Variants in NFATC2 observed in about 807,000 individuals in gnomAD.
The protein encoded by NFATC2 is nuclear factor of activated T cells 2, also known as nuclear factor of activated T-cells, cytoplasmic 2.
In NFATC2, 22 loss-of-function variants were observed where a neutral mutation model predicts 87.3. That is an observed-to-expected ratio of 0.25 (90% CI 0.18 to 0.36). NFATC2 has a LOEUF of 0.36. NFATC2 is among the 10% of genes least tolerant of loss of function. The probability of loss-of-function intolerance (pLI) is 1.00; values close to 1 mark genes in which losing one functional copy is unlikely to be tolerated. For synonymous variants in NFATC2, 565 were observed against 542.2 expected (o/e 1.04, Z -0.58); for missense variants, 1,149 against 1,259.1 (o/e 0.91, Z 1.32).
In NFATC2 at chr20:51,432,516, A is replaced by G. The variant is rs1982899645; in HGVS notation, c.2273T>C (p.Leu758Pro). 6 of 1,556,792 alleles carry G rather than the reference A, an allele frequency of 3.9e-6. No homozygotes were observed. The East Asian group carries it at 1.1e-4, about 29-fold the overall frequency. The part of the protein sequence containing the change: ...AAVLYQRSKS[L>P]SPSLLGYQQP... ...CTGATAGCCCAGCAGGCTGGGGCTCAGGCTCTTGCTCCGCTGGTAGAGTAC... is the reference window on the plus strand; with the variant it reads ...CTGATAGCCCAGCAGGCTGGGGCTCGGGCTCTTGCTCCGCTGGTAGAGTAC... Residue 758 changes from leucine to proline, a missense_variant, in exon 9 of 11, where the codon CTG (leucine) becomes CCG (proline). Around this residue, in one of 3 missense-constraint regions of NFATC2, gnomAD observed 581 missense variants for 649.7 expected, o/e 0.89. Coordinates refer to ENST00000371564, the MANE Select transcript of NFATC2 (RefSeq NM_012340.5). The surrounding 1 kb of genome is among the most constrained non-coding windows in gnomAD (Gnocchi z 4.6).
intron 3 of NFATC2, among the ~76,000 whole-genome samples, chr20:51,506,263 T>C (rs1042830313): frequency 2.0e-5 from 3 of 152,224 alleles, no homozygotes; most frequent in Non-Finnish European, 4.4e-5. Flanking sequence ...CTCTGAGCCT[T>C]GGTTTCCTCA....
At chr20:51,521,785 T>C (rs2076449754) in intron 2 of NFATC2, among the ~76,000 whole-genome samples, 1 of 152,260 alleles carries the variant, frequency 6.6e-6, no homozygotes, top group African/African-American at 2.4e-5. Flanking sequence ...GTACCTCCTT[T>C]GTCATTTCAT....
intron 3 of NFATC2, among the ~76,000 whole-genome samples, chr20:51,505,087 C>T (rs573425691): frequency 8.0e-6 from 1 of 125,242 alleles, no homozygotes; most frequent in Non-Finnish European, 1.7e-5. Flanking sequence ...GGTCTCAGCT[C>T]ACTGCAAGCT....
intron 3 of NFATC2, among the ~76,000 whole-genome samples, chr20:51,488,371 G>C (rs1600852132): frequency 6.6e-6 from 1 of 152,300 alleles, no homozygotes; most frequent in Non-Finnish European, 1.5e-5. Flanking sequence ...GGCCAGTGTG[G>C]ACTATTGATT....
chr20:51,491,193 C>CT lies in NFATC2; in HGVS notation c.1333-15534dup, dbSNP rs35170120. On this transcript the variant is annotated intron_variant, in intron 3 of 10. Coordinates refer to ENST00000371564, the MANE Select transcript of NFATC2 (RefSeq NM_012340.5). ...TGGCTCCAGGGCACAAATTTTTAACCTTTTTTTGCACCAATGACCCCTTCT... is the reference window on the plus strand; with the variant it reads ...TGGCTCCAGGGCACAAATTTTTAACCTTTTTTTTGCACCAATGACCCCTTCT... 4.7e-4 allele frequency among the ~76,000 whole-genome samples: 72 copies of CT among 152,116 alleles called. 1 individual carries two copies. The highest frequency in any genetic ancestry group is 1.7e-3 in the African/African-American group (69 of 41,512).
chr20:51,533,189 A>G (rs968413604), intron 1 of NFATC2, among the ~76,000 whole-genome samples: 17 of 152,234 alleles, frequency 1.1e-4, no homozygotes, highest in African/African-American at 4.1e-4. Context: ...CTTCCTGCCC[A>G]TCAGGGGCCA....
At chr20:51,522,549 T>G (rs1368318590) in intron 2 of NFATC2, among the ~76,000 whole-genome samples, 1 of 151,214 alleles carries the variant, frequency 6.6e-6, no homozygotes, top group Non-Finnish European at 1.5e-5. Context: ...TCCCAAGACT[T>G]TAAGCTCCTT....
intron 1 of NFATC2, among the ~76,000 whole-genome samples, chr20:51,552,758 T>C (rs1601015545): frequency 1.3e-5 from 2 of 152,168 alleles, no homozygotes; most frequent in Admixed American, 6.5e-5. Flanking sequence ...TGCAGGCATA[T>C]TATGTTTGGC....
rs376694540 is a variant in NFATC2 at position 51,408,511 on chromosome 20, T to TAAAAAA, written c.2723-9782_2723-9781insTTTTTT. Among the ~76,000 whole-genome samples the TAAAAAA allele has an allele frequency of 9.6e-5, 12 of 125,346 alleles. 3 individuals carry two copies. Among genetic ancestry groups the TAAAAAA allele is most frequent in the Non-Finnish European group, 1.1e-4 (7 of 62,728 alleles). 82.2% of individuals were successfully genotyped at this position (125,346 alleles called of 152,430 possible). On this transcript the variant is annotated intron_variant, in intron 9 of 10. Coordinates refer to ENST00000371564, the MANE Select transcript of NFATC2 (RefSeq NM_012340.5). The stretch of plus-strand genomic sequence containing the variant: ...CCTGGGGGACTGAGCAAGACTCTTT[T>TAAAAAA]TAAAAAAAAAAAAAAAAAAAGCCAG...
At chr20:51,531,931 T>A (rs899509379) in intron 1 of NFATC2, among the ~76,000 whole-genome samples, 1 of 152,214 alleles carries the variant, frequency 6.6e-6, no homozygotes, top group African/African-American at 2.4e-5. Context: ...AGGAATTCTC[T>A]TTTTACCTCA....
rs2077041343 is a variant in NFATC2, at chr20:51,562,484, T to C, written c.70+76A>G. The C allele has an allele frequency of 1.5e-6, 2 of 1,334,284 alleles. No homozygotes were observed. Among genetic ancestry groups the C allele is most frequent in the Non-Finnish European group, 2.1e-6 (2 of 960,008 alleles). The allele number at this position is 1,334,284 out of a possible 1,614,324, so 82.7% of individuals were successfully genotyped here. ...GACCTCTGCCGGGAGCTGAAAGTGC[T>C]GCCCGGGACGGGAGCAGCAGGAAAG... On this transcript the variant is annotated intron_variant, in intron 1 of 10. Coordinates refer to the NFATC2 transcript ENST00000414705. The surrounding 1 kb of genome is among the most constrained non-coding windows in gnomAD (Gnocchi z 5.8).
intron 3 of NFATC2, among the ~76,000 whole-genome samples, chr20:51,508,445 G>A (rs2076220175): frequency 1.3e-5 from 2 of 152,162 alleles, no homozygotes; most frequent in South Asian, 2.1e-4. Flanking sequence ...GCCCACGGGT[G>A]TACCTGGTTT....
intron 3 of NFATC2, among the ~76,000 whole-genome samples, chr20:51,487,446 A>G (rs1261066525): frequency 6.6e-6 from 1 of 152,246 alleles, no homozygotes; most frequent in Non-Finnish European, 1.5e-5. Context: ...ATGTTTACCT[A>G]TGGAACAAAC....
intron 3 of NFATC2, among the ~76,000 whole-genome samples, chr20:51,488,762 G>A (rs777867938): frequency 3.3e-5 from 5 of 152,090 alleles, no homozygotes; most frequent in South Asian, 2.1e-4. Flanking sequence ...CCAGCCTCTC[G>A]CTAATTTCTG....
At chr20:51,429,442 A>G (rs1982351684) in intron 9 of NFATC2, among the ~76,000 whole-genome samples, 1 of 152,234 alleles carries the variant, frequency 6.6e-6, no homozygotes, top group African/African-American at 2.4e-5. Context: ...GCAGCCCCCA[A>G]ATTGAGAAGC....
chr20:51,481,444 C>T (rs957289662), intron 3 of NFATC2, among the ~76,000 whole-genome samples: 1 of 152,140 alleles, frequency 6.6e-6, no homozygotes, highest in African/African-American at 2.4e-5. Flanking sequence ...AGGAGCTCCA[C>T]GTCACTGGCC....
chr20:51,457,785 T>C (rs1192626737), intron 5 of NFATC2, among the ~76,000 whole-genome samples: 1 of 152,172 alleles, frequency 6.6e-6, no homozygotes, highest in South Asian at 2.1e-4. Context: ...GGAGCCCATG[T>C]GATTCTTGCG....
In NFATC2 at chr20:51,480,312, C is replaced by A. The variant is rs1989142636; in HGVS notation, c.1333-4652G>T. The stretch of plus-strand genomic sequence containing the variant: ...CAAAAAAAATAGAATGTGCTTCCTG[C>A]CGCACAGGAGAGAGAGTGGGGCAGG... On this transcript the variant is annotated intron_variant, in intron 3 of 10. Coordinates refer to ENST00000371564, the MANE Select transcript of NFATC2 (RefSeq NM_012340.5). The surrounding 1 kb of genome is among the most constrained non-coding windows in gnomAD (Gnocchi z 4.2). Among the ~76,000 whole-genome samples the A allele has an allele frequency of 7.8e-6, 1 of 128,762 alleles. No homozygotes were observed. Among genetic ancestry groups the A allele is most frequent in the African/African-American group, 3.5e-5 (1 of 28,410 alleles). 84.5% of individuals were successfully genotyped at this position (128,762 alleles called of 152,430 possible). A position where few individuals can be genotyped will look rare whatever the true frequency, so the allele number is the denominator to read the frequency against.
chr20:51,493,897 G>A (rs574727593), intron 3 of NFATC2, among the ~76,000 whole-genome samples: 22 of 152,136 alleles, frequency 1.4e-4, no homozygotes, highest in Non-Finnish European at 1.8e-4. Context: ...TCTCAGATCC[G>A]AGACTGGTTG....
Sources: allele counts gnomAD v4.1 joint callset (sites outside exome capture counted in the v4.1 genomes callset), GRCh38; gene constraint gnomAD v4.1.1; regional missense constraint gnomAD v4.1.1; non-coding constraint Gnocchi (gnomAD v3.1); transcripts MANE v1.5; gene names NCBI Gene and HGNC (gene_info 2026-07-23, HGNC 2026-07-21).